The following SNTB2 variants were observed in gnomAD, a reference collection of about 807,000 sequenced individuals.
The protein encoded by SNTB2 is syntrophin beta 2.
SNTB2 carries 34 observed loss-of-function variants against 46.2 expected under a neutral mutation model. That is an observed-to-expected ratio of 0.74 (90% CI 0.56 to 0.98). SNTB2 has a LOEUF of 0.98. SNTB2 is among the 50% of genes least tolerant of loss of function. The pLI, the probability that SNTB2 is intolerant of heterozygous loss-of-function variation, is 0.00. For synonymous variants in SNTB2, 290 were observed against 312.6 expected (o/e 0.93, Z 0.76); for missense variants, 603 against 731.4 (o/e 0.82, Z 2.02).
intron 2 of SNTB2, among the ~76,000 whole-genome samples, chr16:69,257,538 C>T (rs576262146): frequency 2.6e-4 from 40 of 152,024 alleles, no homozygotes; most frequent in South Asian, 1.5e-3. Context: ...GCTCCGCCTC[C>T]GGGTTCATGC....
intron 5 of SNTB2, among the ~76,000 whole-genome samples, chr16:69,295,093 T>A (rs1247161349): frequency 6.6e-6 from 1 of 152,036 alleles, no homozygotes; most frequent in Non-Finnish European, 1.5e-5. Flanking sequence ...AGTACTAGGA[T>A]TACAGGTGTG....
At chr16:69,298,368 A>G (rs1261007571) in intron 5 of SNTB2, among the ~76,000 whole-genome samples, 1 of 152,082 alleles carries the variant, frequency 6.6e-6, no homozygotes, top group Non-Finnish European at 1.5e-5. Context: ...TTTGATGAAC[A>G]TAATCTTTAT....
rs1186151949 is a variant in SNTB2 at position 69,305,565 on chromosome 16, C to T, written c.*4641C>T. On this transcript the variant is annotated 3_prime_UTR_variant, in exon 7 of 7. Coordinates refer to ENST00000336278, the MANE Select transcript of SNTB2 (RefSeq NM_006750.4). Reference sequence around the variant, plus strand: ...TGGTCTCAAAGCAAATTGCTCTGATCAGATCAAATATCTATGTAATGAAAA... The same window carrying T: ...TGGTCTCAAAGCAAATTGCTCTGATTAGATCAAATATCTATGTAATGAAAA... 1 of 152,172 alleles carries T rather than the reference C, an allele frequency of 6.6e-6. No individual in the cohort carries two copies. Among genetic ancestry groups the T allele is most frequent in the Non-Finnish European group, 1.5e-5 (1 of 68,030 alleles). The allele number at this position is 152,172 out of a possible 1,614,324, so 9.4% of individuals were successfully genotyped here. A position where few individuals can be genotyped will look rare whatever the true frequency, so the allele number is the denominator to read the frequency against.
chr16:69,251,296 T>C (rs537216918), intron 2 of SNTB2, among the ~76,000 whole-genome samples: 2 of 151,596 alleles, frequency 1.3e-5, no homozygotes, highest in South Asian at 2.1e-4. Context: ...CTGTTTTTTA[T>C]TGATAGTCAC....
rs145449512 is a variant in SNTB2 at position 69,214,290 on chromosome 16, C to T, written c.580+26544C>T. On this transcript the variant is annotated intron_variant, in intron 1 of 6. Transcript: ENST00000336278. The stretch of plus-strand genomic sequence containing the variant: ...GGATCACAAGTGTGCACCACCACGC[C>T]TGGCTAATTTTTTTGTATTTTGTAT... 8.7e-3 allele frequency among the ~76,000 whole-genome samples: 1,311 copies of T among 151,232 alleles called. 25 individuals are homozygous for T. The highest frequency in any genetic ancestry group is 0.03 in the African/African-American group (1,255 of 41,186).
At chr16:69,232,151 C>CTT (rs200170313) in intron 1 of SNTB2, among the ~76,000 whole-genome samples, 9 of 149,240 alleles carry the variant, frequency 6.0e-5, no homozygotes, top group African/African-American at 2.2e-4. Context: ...AATACTGGGG[C>CTT]TTTTTTTTGC....
Position 69,258,118 on chromosome 16 carries a change from T to C in SNTB2, c.795-1932T>C, listed in dbSNP as rs1964795916. Among the ~76,000 whole-genome samples, 4 of 152,248 alleles carry C rather than the reference T, an allele frequency of 2.6e-5. No homozygotes were observed. The South Asian group carries it at 8.3e-4, about 31-fold the overall frequency. On this transcript the variant is annotated intron_variant, in intron 2 of 6. Transcript: ENST00000336278. ...TTGCTTATCTTTTTGACAAGTGGCA[T>C]AGAATCTGATGATAGTGCTTTTAGG...
chr16:69,276,017 T>C (rs1386298232), intron 4 of SNTB2, among the ~76,000 whole-genome samples: 1 of 152,148 alleles, frequency 6.6e-6, no homozygotes, highest in African/African-American at 2.4e-5. Flanking sequence ...TTCAGGCCAA[T>C]GAGGAATAAG....
rs1009784107 is a variant in SNTB2 at position 69,221,208 on chromosome 16, C to T, written c.581-24394C>T. On this transcript the variant is annotated intron_variant, in intron 1 of 6. Coordinates refer to ENST00000336278, the MANE Select transcript of SNTB2 (RefSeq NM_006750.4). The stretch of plus-strand genomic sequence containing the variant: ...TTTGTAGTAACAAATACTGATAGTT[C>T]ACACTTACATACTCCATTGCATTTA... Among the ~76,000 whole-genome samples, 8 of 152,304 alleles carry T rather than the reference C, an allele frequency of 5.3e-5. 1 individual carries two copies. Among genetic ancestry groups the T allele is most frequent in the Admixed American group, 6.5e-5 (1 of 15,296 alleles).
chr16:69,228,228 G>A (rs559210257), intron 1 of SNTB2, among the ~76,000 whole-genome samples: 12 of 152,020 alleles, frequency 7.9e-5, no homozygotes, highest in African/African-American at 2.4e-4. Flanking sequence ...GATTATGACC[G>A]GCCGCGGTGG....
intron 1 of SNTB2, among the ~76,000 whole-genome samples, chr16:69,235,180 T>C (rs1202884085): frequency 7.4e-6 from 1 of 134,514 alleles, no homozygotes; most frequent in Non-Finnish European, 1.7e-5. Context: ...CCCAGCTAAT[T>C]TTTTTTTTTT....
rs1485647918 is a variant in SNTB2 at position 69,307,756 on chromosome 16, G to A, written c.*6832G>A. 6 of 149,986 alleles carry A rather than the reference G, an allele frequency of 4.0e-5. No homozygotes were observed. The highest frequency in any genetic ancestry group is 3.3e-4 in the Admixed American group (5 of 15,014). The allele number at this position is 149,986 out of a possible 1,614,324, so 9.3% of individuals were successfully genotyped here. The stretch of plus-strand genomic sequence containing the variant: ...GCCCAGGAGGTCCAGACCAGCCTGG[G>A]CAACACAGCGGGACCCCGACTCCAT... On this transcript the variant is annotated 3_prime_UTR_variant, in exon 7 of 7. Transcript: ENST00000336278.
intron 5 of SNTB2, among the ~76,000 whole-genome samples, chr16:69,292,364 A>AT (rs1386988541): frequency 2.9e-5 from 1 of 34,778 alleles, no homozygotes; most frequent in East Asian, 7.4e-4. Flanking sequence ...TTATATATAT[A>AT]TATATATATA....
At position 69,245,704 on chromosome 16, in the gene SNTB2, G is replaced by C. The variant is rs1219689933; in HGVS notation, c.683G>C (p.Ser228Thr). ...AAPQSPSFSGSEDSGSPKHQN... is the reference protein window; with the variant it reads ...AAPQSPSFSGTEDSGSPKHQN... ...CCCCAGTCACCAAGCTTTAGTGGCA[G>C]TGAGGACTCTGGTTCGCCAAAACAC... is the stretch of plus-strand genomic sequence containing the variant. Residue 228 changes from serine (S) to threonine (T), a missense_variant, in exon 2 of 7, where the codon AGT becomes ACT. Transcript: ENST00000336278. 6.2e-7 allele frequency: 1 copy of C among 1,614,040 alleles called. No homozygotes were observed. Among genetic ancestry groups the C allele is most frequent in the Non-Finnish European group, 8.5e-7 (1 of 1,180,036 alleles).
At position 69,228,227 on chromosome 16, in the gene SNTB2, C is replaced by T. The variant is rs143567600; in HGVS notation, c.581-17375C>T. 2.0e-3 allele frequency among the ~76,000 whole-genome samples: 303 copies of T among 151,950 alleles called. 1 individual carries two copies. The highest frequency in any genetic ancestry group is 0.016 in the South Asian group (78 of 4,816). Reference sequence around the variant, plus strand: ...GTATTAGAATTTCATAGATTATGACCGGCCGCGGTGGCTGATGCCTGTAAT... The same window carrying T: ...GTATTAGAATTTCATAGATTATGACTGGCCGCGGTGGCTGATGCCTGTAAT... On this transcript the variant is annotated intron_variant, in intron 1 of 6. Coordinates refer to ENST00000336278, the MANE Select transcript of SNTB2 (RefSeq NM_006750.4).
intron 2 of SNTB2, among the ~76,000 whole-genome samples, chr16:69,259,690 G>A (rs544618398): frequency 7.0e-6 from 1 of 143,638 alleles, no homozygotes; most frequent in South Asian, 2.3e-4. Flanking sequence ...TGCAACCTCC[G>A]CCTCCTGGGG....
intron 5 of SNTB2, among the ~76,000 whole-genome samples, chr16:69,286,296 A>T (rs995165615): frequency 5.3e-5 from 8 of 152,184 alleles, no homozygotes; most frequent in Non-Finnish European, 1.2e-4. Flanking sequence ...CTAGCCAGTA[A>T]TTCCAGCTAC....
intron 1 of SNTB2, among the ~76,000 whole-genome samples, chr16:69,213,891 C>G (rs536760212): frequency 1.6e-5 from 2 of 128,708 alleles, no homozygotes; most frequent in South Asian, 5.0e-4. Flanking sequence ...GGCATGATCT[C>G]GACTCACTGC....
intron 1 of SNTB2, among the ~76,000 whole-genome samples, chr16:69,227,212 A>G (rs1597179512): frequency 6.6e-6 from 1 of 152,240 alleles, no homozygotes; most frequent in Non-Finnish European, 1.5e-5. Flanking sequence ...GTAAAAGTAT[A>G]TCTGTATTTG....
Sources: gnomAD v4.1 joint callset for allele counts (sites outside exome capture counted in the v4.1 genomes callset) on GRCh38, gnomAD v4.1.1 for gene constraint, MANE v1.5 for transcripts, NCBI Gene and HGNC (gene_info 2026-07-23, HGNC 2026-07-21) for gene names.